The following SH3PXD2A variants were observed in gnomAD, a reference collection of about 807,000 sequenced individuals.
SH3PXD2A encodes SH3 and PX domain-containing protein 2A.
SH3PXD2A carries 32 observed loss-of-function variants against 115.2 expected under a neutral mutation model. The observed-to-expected ratio is 0.28, with a 90% CI of 0.21 to 0.37. The LOEUF (loss-of-function observed/expected upper bound fraction) is 0.37, where lower values mean the gene tolerates loss of function less well. SH3PXD2A is among the 10% of genes least tolerant of loss of function. The pLI is 1.00. For synonymous variants in SH3PXD2A, 610 were observed against 629.1 expected (o/e 0.97, Z 0.45); for missense variants, 1,328 against 1,498.7 (o/e 0.89, Z 1.88).
intron 8 of SH3PXD2A, among the ~76,000 whole-genome samples, chr10:103,660,538 G>A (rs1037833207): frequency 5.0e-4 from 76 of 152,126 alleles, no homozygotes; most frequent in African/African-American, 1.7e-3. Flanking sequence ...ACTTGCCAGC[G>A]ACCCGGGGAC....
At chr10:103,631,124 G>T (rs536613393) in intron 8 of SH3PXD2A, among the ~76,000 whole-genome samples, 1 of 152,248 alleles carries the variant, frequency 6.6e-6, no homozygotes, top group South Asian at 2.1e-4. Flanking sequence ...AATTAGCCGT[G>T]TGTAGTAGCA....
At chr10:103,680,852 G>A (rs957888213) in intron 6 of SH3PXD2A, among the ~76,000 whole-genome samples, 4 of 152,028 alleles carry the variant, frequency 2.6e-5, no homozygotes, top group African/African-American at 7.3e-5. Context: ...AAAATGCCAC[G>A]TGCCGACTAA....
chr10:103,802,378 A>G (rs1427010115), intron 1 of SH3PXD2A, among the ~76,000 whole-genome samples: 1 of 152,218 alleles, frequency 6.6e-6, no homozygotes, highest in African/African-American at 2.4e-5. Context: ...GAGACTGGAA[A>G]AACTTTTCTC....
intron 4 of SH3PXD2A, among the ~76,000 whole-genome samples, chr10:103,733,648 T>A (rs1273150171): frequency 6.6e-6 from 1 of 152,258 alleles, no homozygotes; most frequent in Admixed American, 6.5e-5. Context: ...AAGTATAATG[T>A]TCACAGTCAC....
chr10:103,801,449 C>T, intron 1 of SH3PXD2A, 87 bp from the exon 2 acceptor site: 1 of 795,772 alleles, frequency 1.3e-6, no homozygotes. Context: ...GCAGGTGTTC[C>T]ATATGGCAGG....
At chr10:103,781,287 C>A (rs1243837752) in intron 2 of SH3PXD2A, among the ~76,000 whole-genome samples, 1 of 152,204 alleles carries the variant, frequency 6.6e-6, no homozygotes, top group African/African-American at 2.4e-5. Context: ...ACCAGTGGCA[C>A]ATGAGCAGGG....
chr10:103,723,416 G>A (rs2038205865), intron 5 of SH3PXD2A, among the ~76,000 whole-genome samples: 3 of 152,218 alleles, frequency 2.0e-5, no homozygotes, highest in Non-Finnish European at 4.4e-5. Context: ...CTATGCTGGG[G>A]ACTGCAGGTG....
intron 8 of SH3PXD2A, among the ~76,000 whole-genome samples, chr10:103,643,998 C>G (rs1294267734): frequency 6.6e-6 from 1 of 151,658 alleles, no homozygotes; most frequent in Non-Finnish European, 1.5e-5. Flanking sequence ...ACCTGTAGTC[C>G]CAGCTACTGG....
At position 103,595,143 on chromosome 10, in the gene SH3PXD2A, C is replaced by T. The variant is rs568268170; in HGVS notation, c.*6673G>A. 6.6e-6 allele frequency: 1 copy of T among 152,300 alleles called. No homozygotes were observed. The highest frequency in any genetic ancestry group is 2.1e-4 in the South Asian group (1 of 4,820). 9.4% of individuals were successfully genotyped at this position (152,300 alleles called of 1,614,324 possible). A position where few individuals can be genotyped will look rare whatever the true frequency, so the allele number is the denominator to read the frequency against. ...GTTTGTGGCTGGTGACTTCTCTCTG[C>T]TAAGTAAATCAATGACCATTCATTG... is the stretch of plus-strand genomic sequence containing the variant. On this transcript the variant is annotated 3_prime_UTR_variant, in exon 15 of 15. Transcript: ENST00000369774.
chr10:103,632,937 G>A (rs900808688), intron 8 of SH3PXD2A, among the ~76,000 whole-genome samples: 1 of 152,062 alleles, frequency 6.6e-6, no homozygotes, highest in Non-Finnish European at 1.5e-5. Flanking sequence ...TCATGCCACT[G>A]CACTCCAGCC....
At chr10:103,837,914 G>C (rs1224932275) in intron 1 of SH3PXD2A, among the ~76,000 whole-genome samples, 1 of 152,160 alleles carries the variant, frequency 6.6e-6, no homozygotes, top group Admixed American at 6.5e-5. Flanking sequence ...AGCCCACTGA[G>C]CCGCCTCTTG....
chr10:103,850,748 T>A (rs1457503390), intron 1 of SH3PXD2A, among the ~76,000 whole-genome samples: 1 of 152,196 alleles, frequency 6.6e-6, no homozygotes, highest in African/African-American at 2.4e-5. Context: ...CCCATCAGAC[T>A]GTGAAAAGCT....
intron 1 of SH3PXD2A, among the ~76,000 whole-genome samples, chr10:103,812,210 C>G (rs1280805534): frequency 6.6e-6 from 1 of 152,192 alleles, no homozygotes; most frequent in Non-Finnish European, 1.5e-5. Flanking sequence ...GCAGAGCAAA[C>G]AAGTCTGATC....
chr10:103,852,666 G>A (rs1217296138), intron 1 of SH3PXD2A, among the ~76,000 whole-genome samples: 3 of 152,166 alleles, frequency 2.0e-5, no homozygotes, highest in Admixed American at 2.0e-4. Context: ...CACCGTGCAA[G>A]GGCCAGGAGA....
intron 1 of SH3PXD2A, among the ~76,000 whole-genome samples, chr10:103,842,818 G>T (rs915329363): frequency 6.6e-6 from 1 of 152,160 alleles, no homozygotes; most frequent in Non-Finnish European, 1.5e-5. Context: ...TGTTCCCAGC[G>T]CTTGACACAT....
intron 8 of SH3PXD2A, among the ~76,000 whole-genome samples, chr10:103,633,460 C>T (rs913323900): frequency 2.0e-5 from 3 of 151,660 alleles, no homozygotes; most frequent in East Asian, 1.9e-4. Flanking sequence ...TGGTGGCTCA[C>T]GGCTGTAATC....
Position 103,707,353 on chromosome 10 carries a change from G to A in SH3PXD2A, c.399-14297C>T, listed in dbSNP as rs1379150347. Among the ~76,000 whole-genome samples, 3 of 151,998 alleles carry A rather than the reference G, an allele frequency of 2.0e-5. No individual in the cohort carries two copies. In the South Asian group the frequency reaches 6.2e-4, roughly 32 times the overall value. On this transcript the variant is annotated intron_variant, in intron 5 of 14. Coordinates refer to ENST00000369774, the MANE Select transcript of SH3PXD2A (RefSeq NM_001394015.1). ...GGGATTACAGATGCCCGCCAGCCAT[G>A]CCCAGCTAATTTTTGTATTTTTAGT...
chr10:103,772,010 C>T (rs915680930), intron 2 of SH3PXD2A, among the ~76,000 whole-genome samples: 6 of 152,168 alleles, frequency 3.9e-5, no homozygotes, highest in African/African-American at 9.6e-5. Context: ...CCGCGGAAAA[C>T]GGAAGCACAG....
intron 1 of SH3PXD2A, among the ~76,000 whole-genome samples, chr10:103,820,882 G>A (rs2039372918): frequency 6.6e-6 from 1 of 152,196 alleles, no homozygotes; most frequent in Non-Finnish European, 1.5e-5. Context: ...AGGGGTCAGG[G>A]CCGGGGAGAA....
Sources: allele counts gnomAD v4.1 joint callset (sites outside exome capture counted in the v4.1 genomes callset), GRCh38; gene constraint gnomAD v4.1.1; transcripts MANE v1.5; gene names NCBI Gene and HGNC (gene_info 2026-07-23, HGNC 2026-07-21).